The following GOLPH3L variants were observed in gnomAD, a reference collection of about 807,000 sequenced individuals.
GOLPH3L encodes the protein Golgi phosphoprotein 3-like.
GOLPH3L carries 22 observed loss-of-function variants against 30.3 expected under a neutral mutation model. That is an observed-to-expected ratio of 0.73 (90% confidence interval 0.52 to 1.04). The LOEUF (loss-of-function observed/expected upper bound fraction) is 1.04. Among genes scored for constraint, GOLPH3L ranks in the 50% least tolerant of loss-of-function variants. GOLPH3L has a pLI of 0.00. For synonymous variants in GOLPH3L, 120 were observed against 128.2 expected (o/e 0.94, Z 0.43); for missense variants, 303 against 345.8 (o/e 0.88, Z 0.98).
chr1:150,661,714 T>C, intron 4 of GOLPH3L, 100 bp downstream of exon 4: 1 of 705,638 alleles, frequency 1.4e-6, no homozygotes. Context: ...CACATCTATC[T>C]CATCCAGCAC....
intron 1 of GOLPH3L, 42 bp from the exon 2 acceptor site, chr1:150,694,892 T>C (rs1456102215): frequency 1.3e-5 from 14 of 1,056,232 alleles, no homozygotes; most frequent in Admixed American, 2.3e-5. Context: ...TGTATGCTTA[T>C]GTAAATAAAT....
intron 2 of GOLPH3L, among the ~76,000 whole-genome samples, chr1:150,688,638 C>T (rs925528780): frequency 6.6e-6 from 1 of 152,108 alleles, no homozygotes; most frequent in Admixed American, 6.6e-5. Context: ...GTAATACCAG[C>T]TACTTGGGAG....
chr1:150,657,012 C>T (rs1650254246), intron 4 of GOLPH3L, among the ~76,000 whole-genome samples: 1 of 152,204 alleles, frequency 6.6e-6, no homozygotes, highest in South Asian at 2.1e-4. Context: ...TACTTCACCT[C>T]AAAAAGCAGA....
chr1:150,673,055 G>A (rs753837187), intron 2 of GOLPH3L, among the ~76,000 whole-genome samples: 2 of 151,954 alleles, frequency 1.3e-5, no homozygotes, highest in Non-Finnish European at 2.9e-5. Context: ...TGCGTTGTCA[G>A]TGAAAGGGAA....
intron 2 of GOLPH3L, among the ~76,000 whole-genome samples, chr1:150,686,549 T>G (rs1354057547): frequency 6.6e-6 from 1 of 152,230 alleles, no homozygotes. Flanking sequence ...ATTGCCCAAA[T>G]GATCATTTAA....
At chr1:150,656,118 A>G (rs1036964311) in intron 4 of GOLPH3L, among the ~76,000 whole-genome samples, 1 of 152,240 alleles carries the variant, frequency 6.6e-6, no homozygotes, top group African/African-American at 2.4e-5. Flanking sequence ...ATTATTCACT[A>G]TATGGATGAT....
chr1:150,672,373 A>G (rs145851075), intron 2 of GOLPH3L, among the ~76,000 whole-genome samples: 102 of 152,298 alleles, frequency 6.7e-4, no homozygotes, highest in African/African-American at 2.3e-3. Context: ...AATTAATGTG[A>G]TTCATCGAAA....
At chr1:150,673,260 T>C (rs1235850675) in intron 2 of GOLPH3L, among the ~76,000 whole-genome samples, 1 of 152,092 alleles carries the variant, frequency 6.6e-6, no homozygotes, top group Non-Finnish European at 1.5e-5. Context: ...TGCTACACAT[T>C]GTCCAAAGAA....
At chr1:150,685,187 T>C (rs1651052944) in intron 2 of GOLPH3L, among the ~76,000 whole-genome samples, 1 of 152,142 alleles carries the variant, frequency 6.6e-6, no homozygotes, top group Admixed American at 6.5e-5. Flanking sequence ...AAAATAAAAC[T>C]AATAAAATCA....
intron 4 of GOLPH3L, among the ~76,000 whole-genome samples, chr1:150,657,338 T>C (rs1232169204): frequency 1.3e-5 from 2 of 152,262 alleles, no homozygotes; most frequent in African/African-American, 4.8e-5. Flanking sequence ...CCCATGTTAA[T>C]GCCTCTGGTC....
intron 1 of GOLPH3L, among the ~76,000 whole-genome samples, chr1:150,695,863 T>G (rs149605370): frequency 1.1e-3 from 162 of 152,056 alleles, no homozygotes; most frequent in African/African-American, 3.7e-3. Context: ...CAAAAATTAC[T>G]GGCAAGAGAG....
intron 2 of GOLPH3L, among the ~76,000 whole-genome samples, chr1:150,687,027 C>T (rs1651100051): frequency 6.6e-6 from 1 of 152,108 alleles, no homozygotes; most frequent in Non-Finnish European, 1.5e-5. Context: ...GCCCTATTCA[C>T]AATCGCAGTA....
intron 4 of GOLPH3L, among the ~76,000 whole-genome samples, chr1:150,654,476 C>T (rs587741502): frequency 6.6e-6 from 1 of 151,222 alleles, no homozygotes; most frequent in African/African-American, 2.4e-5. Context: ...CACTGCACTC[C>T]AGCCTGGGAG....
intron 4 of GOLPH3L, among the ~76,000 whole-genome samples, chr1:150,657,977 G>A (rs998299370): frequency 5.9e-5 from 9 of 152,188 alleles, no homozygotes; most frequent in Admixed American, 2.0e-4. Context: ...GGAGAGATCC[G>A]GTAGCAAAAA....
chr1:150,673,734 G>C (rs587674778), intron 2 of GOLPH3L, among the ~76,000 whole-genome samples: 4 of 151,204 alleles, frequency 2.6e-5, no homozygotes, highest in African/African-American at 9.7e-5. Context: ...TTCAGGACCA[G>C]CCTGGGCAAC....
rs924286383 is a variant in GOLPH3L, at chr1:150,648,256, C to T, written c.*65G>A. The T allele has an allele frequency of 6.2e-6, 7 of 1,137,346 alleles. No homozygotes were observed. Among genetic ancestry groups the T allele is most frequent in the Non-Finnish European group, 8.9e-6 (7 of 789,852 alleles). The allele number at this position is 1,137,346 out of a possible 1,614,324, so 70.5% of individuals were successfully genotyped here. A position where few individuals can be genotyped will look rare whatever the true frequency, so the allele number is the denominator to read the frequency against. ...GATGAAAACATCTCATCACACAAAA[C>T]TCAGTGATGGGGTCTCTGACAGTCA... On this transcript the variant is annotated 3_prime_UTR_variant, in exon 5 of 5. Coordinates refer to ENST00000271732, the MANE Select transcript of GOLPH3L (RefSeq NM_018178.6).
chr1:150,659,347 G>T (rs587646384), intron 4 of GOLPH3L, among the ~76,000 whole-genome samples: 3 of 152,294 alleles, frequency 2.0e-5, no homozygotes, highest in Non-Finnish European at 4.4e-5. Flanking sequence ...GAAGGTTGTG[G>T]GTTTACTGGA....
chr1:150,658,619 T>C (rs184065351), intron 4 of GOLPH3L, among the ~76,000 whole-genome samples: 1 of 152,360 alleles, frequency 6.6e-6, no homozygotes, highest in Non-Finnish European at 1.5e-5. Flanking sequence ...GCGCAATGAT[T>C]CTTATGGAAT....
intron 1 of GOLPH3L, among the ~76,000 whole-genome samples, chr1:150,696,553 AT>A (rs1651360559): frequency 6.6e-6 from 1 of 152,198 alleles, no homozygotes; most frequent in South Asian, 2.1e-4. Context: ...ATTGATTAAA[AT>A]GAATACTCAG....
Sources: gnomAD v4.1 joint callset for allele counts (sites outside exome capture counted in the v4.1 genomes callset) on GRCh38, gnomAD v4.1.1 for gene constraint, MANE v1.5 for transcripts, NCBI Gene and HGNC (gene_info 2026-07-23, HGNC 2026-07-21) for gene names.